The following SEMA5A variants were observed in gnomAD, a reference collection of about 807,000 sequenced individuals.
The protein encoded by SEMA5A is semaphorin 5A, also known as semaphorin-5A.
In SEMA5A, 55 loss-of-function variants were observed where a neutral mutation model predicts 135.5. That is an observed-to-expected ratio of 0.41 (90% CI 0.33 to 0.51). The LOEUF is 0.51. SEMA5A is among the 20% of genes least tolerant of loss of function. The pLI is 0.37. For synonymous variants in SEMA5A, 580 were observed against 546.5 expected, an observed-to-expected ratio of 1.06 and a Z score of -0.85; for missense variants, 1,290 against 1,419.9, an observed-to-expected ratio of 0.91 and a Z score of 1.47.
intron 1 of SEMA5A, among the ~76,000 whole-genome samples, chr5:9,474,669 T>C (rs1759603661): frequency 6.6e-6 from 1 of 152,196 alleles, no homozygotes. Context: ...TCATTTCCAT[T>C]GTCAGAGTAG....
At chr5:9,154,062 A>AAAATATATATAT (rs1159261162) in intron 12 of SEMA5A, among the ~76,000 whole-genome samples, 2 of 68,292 alleles carry the variant, frequency 2.9e-5, no homozygotes, top group Non-Finnish European at 6.2e-5. Context: ...AAAAAAAAAA[A>AAAATATATATAT]ATATATATAT....
At chr5:9,112,496 T>C (rs2150164281) in intron 15 of SEMA5A, among the ~76,000 whole-genome samples, 1 of 152,358 alleles carries the variant, frequency 6.6e-6, no homozygotes, top group South Asian at 2.1e-4. Context: ...CATACTGCTA[T>C]AAATTTTTAT....
chr5:9,257,576 G>A (rs768700142), intron 5 of SEMA5A, among the ~76,000 whole-genome samples: 19 of 150,704 alleles, frequency 1.3e-4, no homozygotes, highest in East Asian at 7.8e-4. Context: ...TTATACTAGG[G>A]ACTGAGATTC....
chr5:9,076,651 TG>T (rs1239866888), intron 16 of SEMA5A, among the ~76,000 whole-genome samples: 2 of 152,218 alleles, frequency 1.3e-5, no homozygotes, highest in Non-Finnish European at 2.9e-5. Flanking sequence ...AAAACAACTA[TG>T]AGTTTATACA....
intron 1 of SEMA5A, among the ~76,000 whole-genome samples, chr5:9,499,828 CAT>C: frequency 6.6e-6 from 1 of 152,182 alleles, no homozygotes; most frequent in East Asian, 1.9e-4. Flanking sequence ...AAAAACCAAA[CAT>C]CACATGGAGC....
rs541974578 is a variant in SEMA5A, at chr5:9,321,842, T to C, written c.225-3425A>G. Among the ~76,000 whole-genome samples the C allele has an allele frequency of 2.0e-5, 3 of 152,328 alleles. No homozygotes were observed. The South Asian group carries it at 6.2e-4, about 32-fold the overall frequency. Reference sequence around the variant, plus strand: ...TATCTCATGGTTCATTCTTTCTTGCTTACTCACACACATACACGTGCACAT... The same window carrying C: ...TATCTCATGGTTCATTCTTTCTTGCCTACTCACACACATACACGTGCACAT... On this transcript the variant is annotated intron_variant, in intron 4 of 22. Transcript: ENST00000382496.
At chr5:9,438,481 G>A (rs1021970236) in intron 1 of SEMA5A, among the ~76,000 whole-genome samples, 5 of 152,188 alleles carry the variant, frequency 3.3e-5, no homozygotes, top group African/African-American at 1.2e-4. Context: ...AAACCTTGAT[G>A]TTGTCATTGG....
At chr5:9,322,738 C>G (rs1407253652) in intron 4 of SEMA5A, among the ~76,000 whole-genome samples, 1 of 152,042 alleles carries the variant, frequency 6.6e-6, no homozygotes, top group Non-Finnish European at 1.5e-5. Context: ...TAGAAACAAG[C>G]CCCCCGTGTC....
At position 9,489,313 on chromosome 5, in the gene SEMA5A, G is replaced by C. The variant is rs1197464386; in HGVS notation, c.-174-51461C>G. On this transcript the variant is annotated intron_variant, in intron 1 of 22. Transcript: ENST00000382496. Reference sequence around the variant, plus strand: ...TACTAAATGGCAGGTGCGGTGTTAGGCTTGGGGTATAAGGGTTTCCTTCCA... The same window carrying C: ...TACTAAATGGCAGGTGCGGTGTTAGCCTTGGGGTATAAGGGTTTCCTTCCA... Among the ~76,000 whole-genome samples, 3 of 152,222 alleles carry C rather than the reference G, an allele frequency of 2.0e-5. No individual in the cohort carries two copies. In the East Asian group the frequency reaches 5.8e-4, roughly 29 times the overall value.
At chr5:9,224,452 A>T (rs553032491) in intron 8 of SEMA5A, among the ~76,000 whole-genome samples, 1 of 152,270 alleles carries the variant, frequency 6.6e-6, no homozygotes, top group South Asian at 2.1e-4. Flanking sequence ...AACATTAGCC[A>T]TATTATCATG....
At chr5:9,119,163 A>G in intron 14 of SEMA5A, 22 bp from the exon 15 acceptor site, 2 of 1,610,884 alleles carry the variant, frequency 1.2e-6, no homozygotes, top group Non-Finnish European at 1.7e-6. Context: ...GAAGCAATGC[A>G]ATCATTAGGT....
chr5:9,373,809 T>C (rs548973331), intron 3 of SEMA5A, among the ~76,000 whole-genome samples: 15 of 152,318 alleles, frequency 9.8e-5, no homozygotes, highest in Non-Finnish European at 2.2e-4. Flanking sequence ...TGGTCTTTCT[T>C]TGTGAATAAT....
At chr5:9,177,392 A>G (rs1425704393) in intron 11 of SEMA5A, among the ~76,000 whole-genome samples, 3 of 152,224 alleles carry the variant, frequency 2.0e-5, no homozygotes, top group Admixed American at 1.3e-4. Flanking sequence ...CAACTGTGGG[A>G]AACAGTGATG....
intron 5 of SEMA5A, among the ~76,000 whole-genome samples, chr5:9,314,965 C>G (rs1002555713): frequency 2.0e-5 from 3 of 152,134 alleles, no homozygotes; most frequent in African/African-American, 7.2e-5. Flanking sequence ...ACTTCAGTAA[C>G]AGCTCATCAA....
intron 1 of SEMA5A, among the ~76,000 whole-genome samples, chr5:9,514,857 T>C (rs1486748710): frequency 6.6e-6 from 1 of 152,186 alleles, no homozygotes; most frequent in African/African-American, 2.4e-5. Context: ...AAAAGAGTTT[T>C]GGTTAGTGTA....
chr5:9,051,869 TTACCTGGGATGAA>T lies in SEMA5A; in HGVS notation c.2836_2845+3del. The T allele has an allele frequency of 1.2e-6, 2 of 1,614,194 alleles. No homozygotes were observed. Among genetic ancestry groups the T allele is most frequent in the Non-Finnish European group, 1.7e-6 (2 of 1,180,030 alleles). ...TTCTTACTGATAAATACCTCTGCTCTTACCTGGGATGAAATTAGAGTCAAACACACACGGCCGG... is the reference window on the plus strand; with the variant it reads ...TTCTTACTGATAAATACCTCTGCTCTATTAGAGTCAAACACACACGGCCGG... On this transcript the variant is annotated splice_donor_variant and splice_donor_region_variant and coding_sequence_variant and intron_variant, in exon 20 of 23. Transcript: ENST00000382496. LOFTEE classifies it high-confidence loss of function.
chr5:9,486,653 A>G (rs1734743034), intron 1 of SEMA5A, among the ~76,000 whole-genome samples: 2 of 152,294 alleles, frequency 1.3e-5, no homozygotes, highest in South Asian at 4.1e-4. Context: ...ACATAAAAAA[A>G]AAGAAGAAAC....
intron 12 of SEMA5A, among the ~76,000 whole-genome samples, chr5:9,152,851 C>T (rs1742705166): frequency 6.6e-6 from 1 of 152,206 alleles, no homozygotes; most frequent in African/African-American, 2.4e-5. Context: ...GCAGGTGGAT[C>T]ACTCAAGGTC....
At chr5:9,129,677 T>C (rs1240303633) in intron 13 of SEMA5A, among the ~76,000 whole-genome samples, 1 of 152,236 alleles carries the variant, frequency 6.6e-6, no homozygotes, top group African/African-American at 2.4e-5. Context: ...ATTTCTGCAA[T>C]GAAAGTTTCT....
Sources: allele counts gnomAD v4.1 joint callset (sites outside exome capture counted in the v4.1 genomes callset), GRCh38; gene constraint gnomAD v4.1.1; transcripts MANE v1.5; gene names NCBI Gene and HGNC (gene_info 2026-07-23, HGNC 2026-07-21).